ANKRD30BL: variants seen among roughly 807,000 people sequenced by gnomAD.
ANKRD30BL encodes putative ankyrin repeat domain-containing protein 30B-like.
ANKRD30BL carries 20 observed loss-of-function variants against 18.4 expected under a neutral mutation model. That is an observed-to-expected ratio of 1.09 (90% CI 0.77 to 1.58). ANKRD30BL has a LOEUF of 1.58. Ranked by LOEUF, ANKRD30BL falls within the 40% of genes most tolerant of loss-of-function variation. ANKRD30BL has a pLI of 0.00. For synonymous variants in ANKRD30BL, 72 were observed against 100.9 expected (o/e 0.71, Z 1.72); for missense variants, 224 against 268.6 (o/e 0.83, Z 1.16).
At chr2:132,168,341 T>C (rs1688222459) in intron 1 of ANKRD30BL, among the ~76,000 whole-genome samples, 1 of 152,210 alleles carries the variant, frequency 6.6e-6, no homozygotes, top group African/African-American at 2.4e-5. Flanking sequence ...GTTTCTTGTG[T>C]ATTTTGAATA....
chr2:132,227,114 A>G (rs1164501554), intron 1 of ANKRD30BL, among the ~76,000 whole-genome samples: 2 of 151,590 alleles, frequency 1.3e-5, no homozygotes, highest in Non-Finnish European at 3.0e-5. Context: ...TTGAATATTC[A>G]TTTTCATGGG....
At chr2:132,229,850 A>C (rs1161883519) in intron 1 of ANKRD30BL, among the ~76,000 whole-genome samples, 1 of 152,118 alleles carries the variant, frequency 6.6e-6, no homozygotes, top group African/African-American at 2.4e-5. Context: ...TGTGCATTCA[A>C]CTCACAGAGT....
intron 1 of ANKRD30BL, among the ~76,000 whole-genome samples, chr2:132,184,610 C>T (rs1383191830): frequency 2.0e-5 from 3 of 152,190 alleles, no homozygotes; most frequent in African/African-American, 7.2e-5. Flanking sequence ...AAGTTATCCC[C>T]AAGCCTGGAA....
intron 1 of ANKRD30BL, among the ~76,000 whole-genome samples, chr2:132,199,424 C>T (rs1048458170): frequency 6.6e-6 from 1 of 152,068 alleles, no homozygotes; most frequent in African/African-American, 2.4e-5. Flanking sequence ...GTGCTAAATA[C>T]TTTGCATGAA....
Position 132,229,254 on chromosome 2 carries a change from C to G in ANKRD30BL, n.441+28275G>C, listed in dbSNP as rs562180664. 2.6e-5 allele frequency among the ~76,000 whole-genome samples: 4 copies of G among 151,678 alleles called. No homozygotes were observed. In the South Asian group the frequency reaches 6.2e-4, roughly 24 times the overall value. On this transcript the variant is annotated intron_variant and non_coding_transcript_variant, in intron 1 of 4. Transcript: ENST00000470729. ...TGCAAGTGGACCTTTCGAGTGCCTTCGGGTCTACCGTACAAAAGGAAATAT... is the reference window on the plus strand; with the variant it reads ...TGCAAGTGGACCTTTCGAGTGCCTTGGGGTCTACCGTACAAAAGGAAATAT...
chr2:132,242,053 C>A (rs184799008), intron 1 of ANKRD30BL, among the ~76,000 whole-genome samples: 1 of 151,678 alleles, frequency 6.6e-6, no homozygotes, highest in Non-Finnish European at 1.5e-5. Flanking sequence ...CAGAAGCATT[C>A]TCAGAAACTA....
At chr2:132,210,941 C>A (rs967998588) in intron 1 of ANKRD30BL, among the ~76,000 whole-genome samples, 1 of 152,098 alleles carries the variant, frequency 6.6e-6, no homozygotes, top group Admixed American at 6.6e-5. Context: ...GTGCATTCAT[C>A]TCACAGAGTT....
chr2:132,218,992 G>A (rs1247478591), intron 1 of ANKRD30BL, among the ~76,000 whole-genome samples: 1 of 152,100 alleles, frequency 6.6e-6, no homozygotes, highest in East Asian at 1.9e-4. Context: ...ACACCAGACA[G>A]AAGCATTCTC....
intron 1 of ANKRD30BL, among the ~76,000 whole-genome samples, chr2:132,237,740 A>G (rs1680199860): frequency 6.6e-6 from 1 of 152,080 alleles, no homozygotes; most frequent in African/African-American, 2.4e-5. Context: ...AGAATCTGTA[A>G]GTGGAAACTT....
chr2:132,197,375 C>G (rs1283026161), intron 1 of ANKRD30BL, among the ~76,000 whole-genome samples: 6 of 152,078 alleles, frequency 3.9e-5, no homozygotes, highest in Admixed American at 1.3e-4. Context: ...ATTCCTCTTG[C>G]TTATTCTAGT....
rs192626500 is a variant in ANKRD30BL at position 132,173,220 on chromosome 2, G to T, written n.442-16074C>A. Among the ~76,000 whole-genome samples, 589 of 150,670 alleles carry T rather than the reference G, an allele frequency of 3.9e-3. 4 individuals are homozygous for T. Among genetic ancestry groups the T allele is most frequent in the African/African-American group, 0.014 (569 of 41,002 alleles). On this transcript the variant is annotated intron_variant and non_coding_transcript_variant, in intron 1 of 4. Transcript: ENST00000470729. The stretch of plus-strand genomic sequence containing the variant: ...TAGTTTATTTTTGTATATTATGTAA[G>T]TTAAGGGCCCAAACTTTATATTTTG...
At chr2:132,201,369 T>C (rs1454360598) in intron 1 of ANKRD30BL, among the ~76,000 whole-genome samples, 1 of 151,812 alleles carries the variant, frequency 6.6e-6, no homozygotes, top group African/African-American at 2.4e-5. Context: ...ACCTACAAAA[T>C]GGGAGAAAAT....
At chr2:132,181,830 G>A (rs1688468601) in intron 1 of ANKRD30BL, among the ~76,000 whole-genome samples, 1 of 152,192 alleles carries the variant, frequency 6.6e-6, no homozygotes, top group South Asian at 2.1e-4. Flanking sequence ...TAAAAGACCA[G>A]GCTGGGGGCG....
At position 132,161,565 on chromosome 2, in the gene ANKRD30BL, G is replaced by A. The variant is rs1335428753; in HGVS notation, c.141C>T (p.Ser47=). 1.9e-5 allele frequency: 28 copies of A among 1,456,696 alleles called. No homozygotes were observed. Among genetic ancestry groups the A allele is most frequent in the Non-Finnish European group, 2.4e-5 (25 of 1,063,464 alleles). 90.2% of individuals were successfully genotyped at this position (1,456,696 alleles called of 1,614,324 possible). A position where few individuals can be genotyped will look rare whatever the true frequency, so the allele number is the denominator to read the frequency against. The part of the protein sequence containing the change: ...GDLRKIHKAA[S]RGQAWKLERM... ...TCTCCAGCTTCCAGGCTTGGCCCCG[G>A]GAGGCAGCTTTGTGGATCTTCCTGA... Residue 47 remains serine, a synonymous_variant, in exon 1 of 6, where the codon TCC becomes TCT. Transcript: ENST00000409867.
At chr2:132,221,627 A>T (rs1186273641) in intron 1 of ANKRD30BL, among the ~76,000 whole-genome samples, 1 of 77,328 alleles carries the variant, frequency 1.3e-5, no homozygotes, top group African/African-American at 6.2e-5. Flanking sequence ...CCAGCCGCCC[A>T]GTCCGGGAGG....
intron 1 of ANKRD30BL, among the ~76,000 whole-genome samples, chr2:132,239,764 T>G (rs1680259261): frequency 6.6e-6 from 1 of 151,706 alleles, no homozygotes; most frequent in South Asian, 2.1e-4. Context: ...TTTCACTAAG[T>G]GGACATTTGG....
intron 1 of ANKRD30BL, among the ~76,000 whole-genome samples, chr2:132,256,677 T>G (rs1176717720): frequency 1.3e-5 from 2 of 152,172 alleles, no homozygotes; most frequent in Admixed American, 1.3e-4. Flanking sequence ...CTGCACACAC[T>G]GCTGGCCGAC....
intron 1 of ANKRD30BL, among the ~76,000 whole-genome samples, chr2:132,237,945 G>A (rs1680206560): frequency 6.6e-6 from 1 of 151,790 alleles, no homozygotes; most frequent in Admixed American, 6.6e-5. Flanking sequence ...GGCTTTGTTT[G>A]GAAAAGGAAA....
At chr2:132,221,593 T>TG (rs1679686285) in intron 1 of ANKRD30BL, among the ~76,000 whole-genome samples, 1 of 96,044 alleles carries the variant, frequency 1.0e-5, no homozygotes, top group Non-Finnish European at 2.0e-5. Context: ...GGGAGGGAGG[T>TG]GGGGGGATCA....
Sources: gnomAD v4.1 joint callset for allele counts (sites outside exome capture counted in the v4.1 genomes callset) on GRCh38, gnomAD v4.1.1 for gene constraint, MANE v1.5 for transcripts, NCBI Gene and HGNC (gene_info 2026-07-23, HGNC 2026-07-21) for gene names.